The following RGS12 variants were observed in gnomAD, a reference collection of about 807,000 sequenced individuals.
The protein encoded by RGS12 is regulator of G-protein signaling 12.
A neutral mutation model predicts 120.1 loss-of-function variants in RGS12; 66 were observed. That is an observed-to-expected ratio of 0.55 (90% confidence interval 0.45 to 0.67). The LOEUF is 0.67. Ranked by LOEUF, RGS12 falls within the 30% of genes least tolerant of loss-of-function variation. The pLI is 0.00. For synonymous variants in RGS12, 827 were observed against 804.7 expected, an observed-to-expected ratio of 1.03 and a Z score of -0.47; for missense variants, 1,859 against 1,957.7, an observed-to-expected ratio of 0.95 and a Z score of 0.95.
chr4:3,352,942 G>A (rs1426003584), intron 3 of RGS12, among the ~76,000 whole-genome samples: 3 of 152,180 alleles, frequency 2.0e-5, no homozygotes, highest in African/African-American at 7.2e-5. Flanking sequence ...GACAAGAGTT[G>A]TGAGTTAAAA....
In RGS12 at chr4:3,416,028, C is replaced by T. The variant is rs151155513; in HGVS notation, c.2334C>T (p.Ala778=). The change falls in exon 7 of 18, where the codon GCC becomes GCT. Residue 778 remains alanine, a synonymous_variant. Coordinates refer to ENST00000336727, the MANE Select transcript of RGS12 (RefSeq NM_001394154.1). ...EIFSKFLCSK[A]TTPVNIDSQA... Reference sequence around the variant, plus strand: ...TCAGTAAGTTTCTCTGCAGCAAAGCCACCACCCCGGTCAACATCGACAGCC... The same window carrying T: ...TCAGTAAGTTTCTCTGCAGCAAAGCTACCACCCCGGTCAACATCGACAGCC... 8 of 1,613,748 alleles carry T rather than the reference C, an allele frequency of 5.0e-6. No homozygotes were observed. The highest frequency in any genetic ancestry group is 2.7e-5 in the African/African-American group (2 of 74,888).
intron 1 of RGS12, among the ~76,000 whole-genome samples, chr4:3,295,327 C>T (rs193074729): frequency 6.6e-6 from 1 of 152,206 alleles, no homozygotes; most frequent in African/African-American, 2.4e-5. Context: ...ATCACATTGA[C>T]TTTGGACCTT....
chr4:3,348,178 C>T (rs2108794759), intron 3 of RGS12, among the ~76,000 whole-genome samples: 1 of 152,220 alleles, frequency 6.6e-6, no homozygotes, highest in South Asian at 2.1e-4. Flanking sequence ...ATTTAAAACG[C>T]CTGATCAAAA....
chr4:3,324,396 TC>T, intron 2 of RGS12: 1 of 215,316 alleles, frequency 4.6e-6, no homozygotes, highest in Non-Finnish European at 9.3e-6. Flanking sequence ...AGTGGGGATG[TC>T]CCCTGTGCCA....
chr4:3,420,548 T>C (rs1722898148), intron 9 of RGS12, 94 bp from the exon 10 acceptor site: 6 of 1,290,260 alleles, frequency 4.7e-6, no homozygotes, highest in South Asian at 1.2e-5. Flanking sequence ...TCCTGGCGTC[T>C]GTCTGCTCAG....
intron 17 of RGS12, among the ~76,000 whole-genome samples, chr4:3,437,861 G>T (rs898073830): frequency 6.6e-5 from 10 of 152,208 alleles, no homozygotes; most frequent in African/African-American, 1.7e-4. Flanking sequence ...CGCTCAAGAG[G>T]GGAGTCACAC....
chr4:3,292,630 C>G (rs2110338914), upstream of RGS12, among the ~76,000 whole-genome samples: 1 of 152,316 alleles, frequency 6.6e-6, no homozygotes, highest in Non-Finnish European at 1.5e-5. Context: ...GGCGGCTCCT[C>G]CCGGCCACAC....
intron 1 of RGS12, among the ~76,000 whole-genome samples, chr4:3,296,312 G>C (rs1723378440): frequency 6.6e-6 from 1 of 151,758 alleles, no homozygotes; most frequent in Admixed American, 6.6e-5. Flanking sequence ...CTCTTGAGTA[G>C]CTGGGACCCC....
rs1162053907 is a variant in RGS12, at chr4:3,293,315, C to CGGGGCG, written c.-102+231_-102+236dup. Among the ~76,000 whole-genome samples, 268 of 136,414 alleles carry CGGGGCG rather than the reference C, an allele frequency of 2.0e-3. 1 individual carries two copies. Among genetic ancestry groups the CGGGGCG allele is most frequent in the South Asian group, 4.1e-3 (18 of 4,356 alleles). 89.5% of individuals were successfully genotyped at this position (136,414 alleles called of 152,430 possible). A position where few individuals can be genotyped will look rare whatever the true frequency, so the allele number is the denominator to read the frequency against. ...GTCCCGGGCCCGGCGCGGGGCGGGG[C>CGGGGCG]GGGGCGGGGGCGGGGGCGGGCGGCG... is the stretch of plus-strand genomic sequence containing the variant. On this transcript the variant is annotated intron_variant, in intron 1 of 17. Coordinates refer to ENST00000336727, the MANE Select transcript of RGS12 (RefSeq NM_001394154.1).
Position 3,433,838 on chromosome 4 carries a change from C to G in RGS12, c.4114+2883C>G, listed in dbSNP as rs1394119773. 6.6e-6 allele frequency among the ~76,000 whole-genome samples: 1 copy of G among 152,158 alleles called. No individual in the cohort carries two copies. The highest frequency in any genetic ancestry group is 1.5e-5 in the Non-Finnish European group (1 of 68,030). ...GCACCATGCAGGCTGGCCGGTGCCC[C>G]CATGCATGTCTGGTCCCGGGAGGCA... On this transcript the variant is annotated intron_variant, in intron 17 of 17. Transcript: ENST00000336727. The surrounding 1 kb of genome is among the most constrained non-coding windows in gnomAD (Gnocchi z 4.4).
intron 2 of RGS12, among the ~76,000 whole-genome samples, chr4:3,325,865 A>G (rs1725524013): frequency 6.6e-6 from 1 of 152,218 alleles, no homozygotes; most frequent in Non-Finnish European, 1.5e-5. Flanking sequence ...GGATGCAAGG[A>G]TGGTTCAACA....
chr4:3,406,758 C>A (rs1428558348), intron 4 of RGS12, among the ~76,000 whole-genome samples: 1 of 152,202 alleles, frequency 6.6e-6, no homozygotes, highest in South Asian at 2.1e-4. Context: ...GGGGCAGGAG[C>A]AACAGAGGTG....
chr4:3,420,939 C>A (rs1160063196), intron 10 of RGS12, among the ~76,000 whole-genome samples: 1 of 152,252 alleles, frequency 6.6e-6, no homozygotes, highest in Non-Finnish European at 1.5e-5. Flanking sequence ...CCTAGGGCTC[C>A]TGAGAGGGCA....
intron 4 of RGS12, among the ~76,000 whole-genome samples, chr4:3,393,120 T>G (rs1290871733): frequency 1.3e-5 from 2 of 152,264 alleles, no homozygotes; most frequent in Non-Finnish European, 2.9e-5. Context: ...GTTACATTTT[T>G]CTGAGTATTC....
At position 3,316,275 on chromosome 4, in the gene RGS12, G is replaced by T. The variant is rs184207042; in HGVS notation, c.105G>T (p.Thr35=). 6 of 1,613,946 alleles carry T rather than the reference G, an allele frequency of 3.7e-6. No individual in the cohort carries two copies. Among genetic ancestry groups the T allele is most frequent in the Non-Finnish European group, 1.7e-6 (2 of 1,179,890 alleles). ...VARGRAGYGF[T]LSGQAPCVLS... ...GGGGGAGGGCCGGCTACGGATTCACGCTTTCGGGACAGGCACCCTGTGTGC... is the reference window on the plus strand; with the variant it reads ...GGGGGAGGGCCGGCTACGGATTCACTCTTTCGGGACAGGCACCCTGTGTGC... Residue 35 remains threonine, a synonymous_variant, in exon 2 of 18, where the codon ACG becomes ACT. Coordinates refer to ENST00000336727, the MANE Select transcript of RGS12 (RefSeq NM_001394154.1).
At chr4:3,292,809 C>G (rs1330626613), upstream of RGS12, among the ~76,000 whole-genome samples, 1 of 152,162 alleles carries the variant, frequency 6.6e-6, no homozygotes, top group Non-Finnish European at 1.5e-5. Flanking sequence ...GAGGCCCCGT[C>G]CCTCGCTTCT....
At chr4:3,299,765 G>C (rs1723576373) in intron 1 of RGS12, among the ~76,000 whole-genome samples, 1 of 152,228 alleles carries the variant, frequency 6.6e-6, no homozygotes, top group African/African-American at 2.4e-5. Context: ...CAACTAACCT[G>C]ATGAGCCTGG....
chr4:3,423,192 C>T (rs551096111), intron 12 of RGS12, among the ~76,000 whole-genome samples: 1 of 152,178 alleles, frequency 6.6e-6, no homozygotes, highest in African/African-American at 2.4e-5. Context: ...GTCCCGTGAA[C>T]AGGGACTGCC....
chr4:3,363,312 T>C (rs1715917349), intron 3 of RGS12, among the ~76,000 whole-genome samples: 1 of 152,122 alleles, frequency 6.6e-6, no homozygotes, highest in South Asian at 2.1e-4. Flanking sequence ...CGATTATAAT[T>C]TTCTATTGTT....
Sources: allele counts gnomAD v4.1 joint callset (sites outside exome capture counted in the v4.1 genomes callset), GRCh38; gene constraint gnomAD v4.1.1; non-coding constraint Gnocchi (gnomAD v3.1); transcripts MANE v1.5; gene names NCBI Gene and HGNC (gene_info 2026-07-23, HGNC 2026-07-21).